The following RASGRF2 variants were observed in gnomAD, a reference collection of about 807,000 sequenced individuals.
The protein encoded by RASGRF2 is ras-specific guanine nucleotide-releasing factor 2.
Under a neutral mutation model 151.0 loss-of-function variants are expected in RASGRF2, and 76 were observed. That is an observed-to-expected ratio of 0.50 (90% CI 0.42 to 0.61). RASGRF2 has a LOEUF of 0.61. RASGRF2 is among the 20% of genes least tolerant of loss of function. The probability of loss-of-function intolerance (pLI) is 0.00; values close to 1 mark genes in which losing one functional copy is unlikely to be tolerated. For synonymous variants in RASGRF2, 504 were observed against 566.5 expected (o/e 0.89, Z 1.57); for missense variants, 1,148 against 1,564.6 (o/e 0.73, Z 4.49).
chr5:81,018,396 G>A (rs1353306636), intron 1 of RASGRF2, among the ~76,000 whole-genome samples: 1 of 152,058 alleles, frequency 6.6e-6, no homozygotes, highest in East Asian at 1.9e-4. Context: ...TCCTACAGTG[G>A]CAGCAAGTCA....
intron 1 of RASGRF2, among the ~76,000 whole-genome samples, chr5:80,988,155 A>G (rs1257003768): frequency 2.0e-5 from 3 of 151,538 alleles, no homozygotes; most frequent in Admixed American, 1.3e-4. Flanking sequence ...GGCTCAATCA[A>G]TCTTCCAACC....
intron 2 of RASGRF2, among the ~76,000 whole-genome samples, chr5:81,048,616 C>T (rs1397413111): frequency 6.6e-6 from 1 of 152,216 alleles, no homozygotes; most frequent in Non-Finnish European, 1.5e-5. Context: ...CTTCTGCCTA[C>T]ACTCACCGGG....
intron 26 of RASGRF2, among the ~76,000 whole-genome samples, chr5:81,220,450 G>A (rs1755833956): frequency 6.6e-6 from 1 of 152,176 alleles, no homozygotes; most frequent in African/African-American, 2.4e-5. Flanking sequence ...TTAGTATGAT[G>A]TGTTTGTTTG....
chr5:81,065,946 T>G (rs1393820366), intron 2 of RASGRF2, among the ~76,000 whole-genome samples: 1 of 152,162 alleles, frequency 6.6e-6, no homozygotes, highest in African/African-American at 2.4e-5. Context: ...GAGGGGGACG[T>G]TGGTGATGAG....
At chr5:81,019,310 A>G in intron 1 of RASGRF2, 1 of 152,324 alleles carries the variant, frequency 6.6e-6, no homozygotes, top group East Asian at 1.9e-4. Flanking sequence ...GGAATCTCAG[A>G]GGCACTGCCC....
chr5:81,013,726 A>C (rs1306552078), intron 1 of RASGRF2, among the ~76,000 whole-genome samples: 2 of 152,018 alleles, frequency 1.3e-5, no homozygotes, highest in Non-Finnish European at 2.9e-5. Flanking sequence ...AGTTAGTGAA[A>C]GCTACTATTA....
At chr5:80,984,716 A>G (rs917653074) in intron 1 of RASGRF2, among the ~76,000 whole-genome samples, 1 of 152,218 alleles carries the variant, frequency 6.6e-6, no homozygotes, top group Non-Finnish European at 1.5e-5. Context: ...TGTGTGTATA[A>G]TAAGTAGGCT....
At chr5:81,087,675 T>C (rs1752278599) in intron 9 of RASGRF2, 1 of 392,272 alleles carries the variant, frequency 2.5e-6, no homozygotes, top group Admixed American at 4.0e-5. Context: ...AAGTTATTTT[T>C]TTAGTGCTTA....
At chr5:81,120,560 G>T (rs950758684) in intron 15 of RASGRF2, among the ~76,000 whole-genome samples, 7 of 152,168 alleles carry the variant, frequency 4.6e-5, no homozygotes, top group African/African-American at 1.7e-4. Flanking sequence ...TCCAGCCTGG[G>T]TCACAGAGTA....
chr5:81,196,367 A>G (rs953967712), intron 18 of RASGRF2, among the ~76,000 whole-genome samples: 11 of 152,370 alleles, frequency 7.2e-5, no homozygotes, highest in Admixed American at 5.9e-4. Context: ...CTTCCATTTC[A>G]TACTCCACTA....
rs373993810 is a variant in RASGRF2 at position 81,109,087 on chromosome 5, G to C, written c.1838+9G>C. ...GTGCCACATATGATTAAGTAAGTGT[G>C]AGAATCCTTTCCTTTACATTTTAAT... On this transcript the variant is annotated intron_variant, in intron 13 of 26. Coordinates refer to ENST00000265080, the MANE Select transcript of RASGRF2 (RefSeq NM_006909.3). 3.2e-5 allele frequency: 52 copies of C among 1,605,080 alleles called. No homozygotes were observed. The African/African-American group carries it at 6.0e-4, about 19-fold the overall frequency.
At chr5:81,225,098 C>T (rs537144938) in intron 26 of RASGRF2, among the ~76,000 whole-genome samples, 2 of 152,336 alleles carry the variant, frequency 1.3e-5, no homozygotes, top group African/African-American at 4.8e-5. Context: ...TTTCCTTTCA[C>T]TTCTGATATC....
intron 1 of RASGRF2, among the ~76,000 whole-genome samples, chr5:80,975,505 T>G (rs1004374591): frequency 6.6e-6 from 1 of 152,170 alleles, no homozygotes; most frequent in Non-Finnish European, 1.5e-5. Flanking sequence ...TCTGGAAACT[T>G]ACCTGTTAAT....
intron 3 of RASGRF2, chr5:81,070,218 A>G (rs934576159): frequency 5.5e-6 from 2 of 362,366 alleles, no homozygotes; most frequent in Admixed American, 3.7e-5. Context: ...CACCACTGGC[A>G]GCTGGGGCTG....
At chr5:81,153,397 G>A (rs1411355145) in intron 17 of RASGRF2, among the ~76,000 whole-genome samples, 2 of 152,224 alleles carry the variant, frequency 1.3e-5, no homozygotes, top group Non-Finnish European at 2.9e-5. Flanking sequence ...ATAATGCAAT[G>A]TGAGAAAGAC....
chr5:80,964,292 G>A (rs568454262), intron 1 of RASGRF2, among the ~76,000 whole-genome samples: 1 of 152,156 alleles, frequency 6.6e-6, no homozygotes, highest in East Asian at 1.9e-4. Flanking sequence ...TTCTTAAAAA[G>A]GTGTCCGATG....
chr5:81,106,286 C>A (rs1401024200), intron 12 of RASGRF2, among the ~76,000 whole-genome samples: 2 of 152,248 alleles, frequency 1.3e-5, no homozygotes, highest in African/African-American at 4.8e-5. Flanking sequence ...TGTATGTCCA[C>A]CCTTTCCTCT....
At chr5:81,207,009 C>T (rs373217220) in intron 20 of RASGRF2, 104 bp downstream of exon 20, 15 of 1,021,142 alleles carry the variant, frequency 1.5e-5, no homozygotes, top group South Asian at 1.2e-4. Context: ...GTATTAGGCC[C>T]TCTGTCCTAT....
intron 18 of RASGRF2, among the ~76,000 whole-genome samples, chr5:81,194,436 TTTGTTC>T (rs897086306): frequency 4.6e-5 from 7 of 151,150 alleles, no homozygotes; most frequent in African/African-American, 1.7e-4. Context: ...TTTTTTGTTT[TTTGTTC>T]TTTTTTTTTT....
Sources: allele counts gnomAD v4.1 joint callset (sites outside exome capture counted in the v4.1 genomes callset), GRCh38; gene constraint gnomAD v4.1.1; transcripts MANE v1.5; gene names NCBI Gene and HGNC (gene_info 2026-07-23, HGNC 2026-07-21).